The following RIT2 variants were observed in gnomAD, a reference collection of about 807,000 sequenced individuals.
The protein encoded by RIT2 is Ras like without CAAX 2, also known as GTP-binding protein Rit2.
In RIT2, 24 loss-of-function variants were observed where a neutral mutation model predicts 23.7. That is an observed-to-expected ratio of 1.01 (90% confidence interval 0.73 to 1.43). The LOEUF (loss-of-function observed/expected upper bound fraction) is 1.43. Ranked by LOEUF, RIT2 falls within the 40% of genes most tolerant of loss-of-function variation. RIT2 has a pLI of 0.00. For synonymous variants in RIT2, 107 were observed against 91.1 expected (o/e 1.17, Z -0.99); for missense variants, 236 against 266.9 (o/e 0.88, Z 0.81).
chr18:42,855,932 TTC>T (rs1907169823), intron 4 of RIT2, among the ~76,000 whole-genome samples: 1 of 152,140 alleles, frequency 6.6e-6, no homozygotes, highest in Non-Finnish European at 1.5e-5. Flanking sequence ...ACTATGTCTG[TTC>T]TGTCTTTATT....
chr18:42,767,744 T>C (rs184537624), intron 4 of RIT2, among the ~76,000 whole-genome samples: 197 of 152,274 alleles, frequency 1.3e-3, no homozygotes, highest in Non-Finnish European at 2.3e-3. Context: ...CCACATGTTT[T>C]AAGAGGGATC....
intron 4 of RIT2, among the ~76,000 whole-genome samples, chr18:42,816,633 T>C (rs1906006122): frequency 6.6e-6 from 1 of 152,090 alleles, no homozygotes; most frequent in African/African-American, 2.4e-5. Context: ...CAAAAATATA[T>C]AATCCCACAT....
intron 4 of RIT2, among the ~76,000 whole-genome samples, chr18:42,917,253 C>T (rs144272498): frequency 6.6e-6 from 1 of 152,122 alleles, no homozygotes; most frequent in Non-Finnish European, 1.5e-5. Flanking sequence ...CCAGGACTAT[C>T]TGATTCTTTC....
intron 3 of RIT2, among the ~76,000 whole-genome samples, chr18:42,956,960 G>C: frequency 6.6e-6 from 1 of 152,114 alleles, no homozygotes; most frequent in East Asian, 1.9e-4. Flanking sequence ...CAAGGTCTAG[G>C]ACAAAATGTT....
At chr18:42,747,114 T>C (rs969073476) in intron 4 of RIT2, among the ~76,000 whole-genome samples, 1 of 151,968 alleles carries the variant, frequency 6.6e-6, no homozygotes, top group Non-Finnish European at 1.5e-5. Flanking sequence ...GTAAAACTGA[T>C]GCAGTTTCCT....
chr18:42,995,573 G>C (rs574969688), intron 2 of RIT2, among the ~76,000 whole-genome samples: 6 of 151,608 alleles, frequency 4.0e-5, no homozygotes, highest in African/African-American at 1.5e-4. Context: ...GGTATTCAGC[G>C]AAACCTTTAT....
In RIT2 at chr18:43,026,152, G is replaced by A. The variant is rs140876168; in HGVS notation, c.160+7659C>T. On this transcript the variant is annotated intron_variant, in intron 2 of 4. Coordinates refer to ENST00000326695, the MANE Select transcript of RIT2 (RefSeq NM_002930.4). ...AGATGAATGTTGTACATATTTGGAA[G>A]TAGAGTCAACAAGACCTCCTGAGAG... is the stretch of plus-strand genomic sequence containing the variant. 3.0e-3 allele frequency among the ~76,000 whole-genome samples: 457 copies of A among 152,098 alleles called. 2 individuals are homozygous for A. Among genetic ancestry groups the A allele is most frequent in the Non-Finnish European group, 5.2e-3 (351 of 67,976 alleles).
At chr18:42,901,266 T>C (rs1288140096) in intron 4 of RIT2, among the ~76,000 whole-genome samples, 1 of 152,058 alleles carries the variant, frequency 6.6e-6, no homozygotes. Context: ...TGTACAATTG[T>C]TGCCTTGGAT....
rs189502510 is a variant in RIT2 at position 42,965,805 on chromosome 18, C to T, written c.234+8269G>A. Among the ~76,000 whole-genome samples the T allele has an allele frequency of 8.8e-5, 11 of 125,412 alleles. No individual in the cohort carries two copies. The East Asian group carries it at 2.9e-3, about 33-fold the overall frequency. The allele number at this position is 125,412 out of a possible 152,430, so 82.3% of individuals were successfully genotyped here. ...TTGGTTCATTGCTCAAAGTTTCCAA[C>T]TAGGTGTCTTTTAATTATATCACTG... On this transcript the variant is annotated intron_variant, in intron 3 of 4. Coordinates refer to ENST00000326695, the MANE Select transcript of RIT2 (RefSeq NM_002930.4).
intron 4 of RIT2, among the ~76,000 whole-genome samples, chr18:42,746,627 G>T (rs1244290009): frequency 6.6e-6 from 1 of 151,976 alleles, no homozygotes; most frequent in Non-Finnish European, 1.5e-5. Context: ...AAAGTTTAGT[G>T]AGATATTTTA....
chr18:43,060,613 C>A (rs2144321983), intron 1 of RIT2, among the ~76,000 whole-genome samples: 1 of 152,178 alleles, frequency 6.6e-6, no homozygotes, highest in South Asian at 2.1e-4. Context: ...ATGTTAACTC[C>A]ATTGAGGAAA....
chr18:42,846,640 A>C (rs1408729191), intron 4 of RIT2, among the ~76,000 whole-genome samples: 1 of 152,120 alleles, frequency 6.6e-6, no homozygotes, highest in Non-Finnish European at 1.5e-5. Context: ...AATATTCAAC[A>C]AAAAACCAAT....
At chr18:42,928,500 G>A (rs1301677539) in intron 3 of RIT2, among the ~76,000 whole-genome samples, 1 of 151,988 alleles carries the variant, frequency 6.6e-6, no homozygotes, top group Non-Finnish European at 1.5e-5. Flanking sequence ...TTGCATAGTA[G>A]TTAATCATCT....
At chr18:42,873,051 C>T (rs766899735) in intron 4 of RIT2, among the ~76,000 whole-genome samples, 22 of 152,114 alleles carry the variant, frequency 1.4e-4, no homozygotes, top group South Asian at 4.1e-4. Context: ...TGATGGAAGA[C>T]GCTGCTTGGG....
chr18:43,032,256 T>A (rs1252648334), intron 2 of RIT2, among the ~76,000 whole-genome samples: 8 of 152,068 alleles, frequency 5.3e-5, no homozygotes, highest in Admixed American at 1.3e-4. Flanking sequence ...ATACTTCTCA[T>A]TTCTCCTGTT....
At chr18:42,949,153 GA>G (rs1254655081) in intron 3 of RIT2, 4 of 395,592 alleles carry the variant, frequency 1.0e-5, no homozygotes, top group African/African-American at 2.1e-5. Flanking sequence ...AAAAAGATCT[GA>G]ACTATACCAC....
chr18:43,107,444 CACAA>C (rs1299115586), intron 1 of RIT2, among the ~76,000 whole-genome samples: 1 of 152,140 alleles, frequency 6.6e-6, no homozygotes, highest in Admixed American at 6.5e-5. Flanking sequence ...CGCATACACA[CACAA>C]ACACTCTTTT....
chr18:42,798,861 T>C (rs191939763), intron 4 of RIT2, among the ~76,000 whole-genome samples: 80 of 152,330 alleles, frequency 5.3e-4, no homozygotes, highest in African/African-American at 1.9e-3. Context: ...TGGTGATAAC[T>C]CTGATGCAGA....
intron 4 of RIT2, among the ~76,000 whole-genome samples, chr18:42,908,148 C>T (rs540235783): frequency 6.8e-6 from 1 of 146,986 alleles, no homozygotes; most frequent in South Asian, 2.1e-4. Context: ...AAAAAAAAAG[C>T]AAAAATTTCA....
Sources: gnomAD v4.1 joint callset for allele counts (sites outside exome capture counted in the v4.1 genomes callset) on GRCh38, gnomAD v4.1.1 for gene constraint, MANE v1.5 for transcripts, NCBI Gene and HGNC (gene_info 2026-07-23, HGNC 2026-07-21) for gene names.